WNT6: variants seen among roughly 807,000 people sequenced by gnomAD.
WNT6 encodes the protein Wnt family member 6.
WNT6 carries 27 observed loss-of-function variants against 33.1 expected under a neutral mutation model. That is an observed-to-expected ratio of 0.82 (90% CI 0.60 to 1.12). The LOEUF (loss-of-function observed/expected upper bound fraction) is 1.12. Among genes scored for constraint, WNT6 ranks in the 50% most tolerant of loss-of-function variants. The probability of loss-of-function intolerance (pLI) is 0.00; values close to 1 mark genes in which losing one functional copy is unlikely to be tolerated. For synonymous variants in WNT6, 249 were observed against 242.8 expected, an observed-to-expected ratio of 1.03 and a Z score of -0.24; for missense variants, 494 against 535.3, an observed-to-expected ratio of 0.92 and a Z score of 0.76.
intron 1 of WNT6, among the ~76,000 whole-genome samples, chr2:218,869,223 C>A (rs761236635): frequency 6.6e-6 from 1 of 151,990 alleles, no homozygotes; most frequent in East Asian, 1.9e-4. Flanking sequence ...TGTGTGCGTG[C>A]GCATGCGTGC....
At chr2:218,866,834 T>C (rs1211217768) in intron 1 of WNT6, among the ~76,000 whole-genome samples, 2 of 152,188 alleles carry the variant, frequency 1.3e-5, no homozygotes, top group African/African-American at 4.8e-5. Context: ...ATGCATGAGC[T>C]TATTGTCTTC....
At position 218,867,510 on chromosome 2, in the gene WNT6, C is replaced by T. The variant is rs998792673; in HGVS notation, c.81-3517C>T. On this transcript the variant is annotated intron_variant, in intron 1 of 3. Coordinates refer to ENST00000233948, the MANE Select transcript of WNT6 (RefSeq NM_006522.4). The surrounding 1 kb of genome is among the most constrained non-coding windows in gnomAD (Gnocchi z 4.9). ...ATGGTCCTTGGTAGAGAGACCTTGG[C>T]GCAGGCCAAGCCGGTTAGAATGACC... 5.3e-5 allele frequency among the ~76,000 whole-genome samples: 8 copies of T among 152,228 alleles called. No homozygotes were observed. The highest frequency in any genetic ancestry group is 1.3e-4 in the Admixed American group (2 of 15,284).
In WNT6 at chr2:218,873,731, G is replaced by A. The variant is rs1475754632; in HGVS notation, c.984G>A (p.Gly328=). ...SGCDLLCCGR[G]HRQESVQLEE... is the part of the protein sequence containing the mutation. The stretch of plus-strand genomic sequence containing the variant: ...GCGACCTGCTGTGCTGCGGCCGCGG[G>A]CACCGCCAGGAGAGCGTGCAGCTCG... The change falls in exon 4 of 4, where the codon GGG becomes GGA. Residue 328 remains glycine, a synonymous_variant. Transcript: ENST00000233948. This position sits in a 1 kb window ranked among gnomAD's most constrained non-coding sequence, Gnocchi z 6.1. 1 of 1,576,926 alleles carries A rather than the reference G, an allele frequency of 6.3e-7. No individual in the cohort carries two copies. The highest frequency in any genetic ancestry group is 8.6e-7 in the Non-Finnish European group (1 of 1,167,776).
At position 218,871,151 on chromosome 2, in the gene WNT6, G is replaced by A; in HGVS notation, c.205G>A (p.Ala69Thr). The A allele has an allele frequency of 1.2e-6, 2 of 1,613,774 alleles. No individual in the cohort carries two copies. The highest frequency in any genetic ancestry group is 1.3e-5 in the African/African-American group (1 of 75,062). Residue 69 changes from alanine (A) to threonine (T), a missense_variant, in exon 2 of 4, where the codon GCC (alanine) becomes ACC (threonine). Transcript: ENST00000233948. This position sits in a 1 kb window ranked among gnomAD's most constrained non-coding sequence, Gnocchi z 6.4. ...AGTGGTGGCAGAGCTAGCTCGGGGC[G>A]CCCGGCTCGGGGTGCGAGAGTGCCA... Reference protein sequence around the residue: ...PEVVAELARGARLGVRECQFQ... With the variant: ...PEVVAELARGTRLGVRECQFQ...
At chr2:218,860,958 CT>C (rs138615794) in intron 1 of WNT6, among the ~76,000 whole-genome samples, 20,652 of 151,310 alleles carry the variant, frequency 0.14, 1,594 homozygotes, top group East Asian at 0.36. Flanking sequence ...ATCCAAAGGA[CT>C]TTTTTCCCCC....
At position 218,871,595 on chromosome 2, in the gene WNT6, C is replaced by T. The variant is rs1029048951; in HGVS notation, c.412C>T (p.Arg138Cys). Residue 138 changes from arginine (R) to cysteine (C), a missense_variant, in exon 3 of 4, where the codon CGC (arginine) becomes TGC (cysteine). Transcript: ENST00000233948. The surrounding 1 kb of genome is among the most constrained non-coding windows in gnomAD (Gnocchi z 6.4). ...GCTGCAGTGCGGCTGCCAGGCGCCC[C>T]GCGGGCGGGCCCCTCCCCGGCCCTC... ...ELLQCGCQAP[R>C]GRAPPRPSGL... 1.3e-6 allele frequency: 2 copies of T among 1,512,042 alleles called. No homozygotes were observed. Among genetic ancestry groups the T allele is most frequent in the Non-Finnish European group, 1.8e-6 (2 of 1,138,660 alleles). The allele number at this position is 1,512,042 out of a possible 1,614,324, so 93.7% of individuals were successfully genotyped here.
At chr2:218,863,279 C>T (rs1944324809) in intron 1 of WNT6, among the ~76,000 whole-genome samples, 1 of 152,200 alleles carries the variant, frequency 6.6e-6, no homozygotes, top group African/African-American at 2.4e-5. Flanking sequence ...CTTCTTCTCC[C>T]TACTTGTCAG....
Position 218,860,023 on chromosome 2 carries a change from C to G in WNT6, c.-15C>G, listed in dbSNP as rs1260428410. ...CTCGCCCCCTGCCCACCCGGGCGGC[C>G]GTAGGGCGGTCACGATGCTGCCGCC... On this transcript the variant is annotated 5_prime_UTR_variant, in exon 1 of 4. Coordinates refer to ENST00000233948, the MANE Select transcript of WNT6 (RefSeq NM_006522.4). 2.1e-5 allele frequency: 31 copies of G among 1,477,832 alleles called. No homozygotes were observed. The highest frequency in any genetic ancestry group is 2.7e-5 in the Non-Finnish European group (30 of 1,118,622). The allele number at this position is 1,477,832 out of a possible 1,614,324, so 91.5% of individuals were successfully genotyped here.
At chr2:218,865,558 C>G (rs1944347385) in intron 1 of WNT6, among the ~76,000 whole-genome samples, 1 of 152,206 alleles carries the variant, frequency 6.6e-6, no homozygotes, top group Non-Finnish European at 1.5e-5. Flanking sequence ...GAGAAGATGA[C>G]TTGCCCCTGG....
intron 1 of WNT6, among the ~76,000 whole-genome samples, chr2:218,870,037 T>C (rs541965770): frequency 1.3e-5 from 2 of 152,100 alleles, no homozygotes; most frequent in African/African-American, 2.4e-5. Flanking sequence ...TTGGCCAACA[T>C]GGTGAAACTT....
At position 218,871,418 on chromosome 2, in the gene WNT6, G is replaced by C; in HGVS notation, c.302-67G>C. 1.3e-6 allele frequency: 2 copies of C among 1,554,936 alleles called. No individual in the cohort carries two copies. The highest frequency in any genetic ancestry group is 2.7e-5 in the African/African-American group (2 of 72,802). Reference sequence around the variant, plus strand: ...CCCCTGGGGCAGCCCTCCCGCCGCAGGTTTCAGGTCCCAGGCCCCAGCTGA... The same window carrying C: ...CCCCTGGGGCAGCCCTCCCGCCGCACGTTTCAGGTCCCAGGCCCCAGCTGA... On this transcript the variant is annotated intron_variant, in intron 2 of 3. Transcript: ENST00000233948. This position sits in a 1 kb window ranked among gnomAD's most constrained non-coding sequence, Gnocchi z 6.4.
chr2:218,873,275 C>G lies in WNT6; in HGVS notation c.637-109C>G. The G allele has an allele frequency of 1.4e-5, 15 of 1,109,076 alleles. No homozygotes were observed. The highest frequency in any genetic ancestry group is 1.8e-5 in the Non-Finnish European group (14 of 794,020). 68.7% of individuals were successfully genotyped at this position (1,109,076 alleles called of 1,614,324 possible). On this transcript the variant is annotated intron_variant, in intron 3 of 3. Transcript: ENST00000233948. This position sits in a 1 kb window ranked among gnomAD's most constrained non-coding sequence, Gnocchi z 6.1. Reference sequence around the variant, plus strand: ...TGCGGTCTCCTTTTGTCTGCATTTTCCTCTCTTCCTTTCACCTCCCATTCC... The same window carrying G: ...TGCGGTCTCCTTTTGTCTGCATTTTGCTCTCTTCCTTTCACCTCCCATTCC...
In WNT6 at chr2:218,873,967, T is replaced by C; in HGVS notation, c.*122T>C. 9.4e-7 allele frequency: 1 copy of C among 1,062,102 alleles called. No homozygotes were observed. The highest frequency in any genetic ancestry group is 1.3e-6 in the Non-Finnish European group (1 of 781,806). The allele number at this position is 1,062,102 out of a possible 1,614,324, so 65.8% of individuals were successfully genotyped here. ...CAGCCTCTCCCTGCCAAAGCCCAAC[T>C]CCCAGGGCTCTGGAAATGGTGAGGC... On this transcript the variant is annotated 3_prime_UTR_variant, in exon 4 of 4. Coordinates refer to ENST00000233948, the MANE Select transcript of WNT6 (RefSeq NM_006522.4). The surrounding 1 kb of genome is among the most constrained non-coding windows in gnomAD (Gnocchi z 6.1).
In WNT6 at chr2:218,871,270, A is replaced by G. The variant is rs778335319; in HGVS notation, c.301+23A>G. 6 of 1,590,046 alleles carry G rather than the reference A, an allele frequency of 3.8e-6. No individual in the cohort carries two copies. Among genetic ancestry groups the G allele is most frequent in the Non-Finnish European group, 5.2e-6 (6 of 1,164,800 alleles). Reference sequence around the variant, plus strand: ...AGGGTCAGTGTGGGGAGGGGGCGGAAGTGGGGCTGCTTTCTCCCTGCTGTG... The same window carrying G: ...AGGGTCAGTGTGGGGAGGGGGCGGAGGTGGGGCTGCTTTCTCCCTGCTGTG... On this transcript the variant is annotated intron_variant, in intron 2 of 3. Coordinates refer to ENST00000233948, the MANE Select transcript of WNT6 (RefSeq NM_006522.4). This position sits in a 1 kb window ranked among gnomAD's most constrained non-coding sequence, Gnocchi z 6.4.
intron 1 of WNT6, among the ~76,000 whole-genome samples, chr2:218,868,287 A>G (rs1944370238): frequency 6.6e-6 from 1 of 152,114 alleles, no homozygotes; most frequent in Non-Finnish European, 1.5e-5. Flanking sequence ...GTCCCTGCGA[A>G]ACAGAGAAGG....
Position 218,871,583 on chromosome 2 carries a change from T to C in WNT6, c.400T>C (p.Cys134Arg). The C allele has an allele frequency of 6.5e-7, 1 of 1,538,610 alleles. No homozygotes were observed. The stretch of plus-strand genomic sequence containing the variant: ...TATGGGCGAGCTGCTGCAGTGCGGC[T>C]GCCAGGCGCCCCGCGGGCGGGCCCC... ...CSMGELLQCGCQAPRGRAPPR... is the reference protein window; with the variant it reads ...CSMGELLQCGRQAPRGRAPPR... Residue 134 changes from cysteine (C) to arginine (R), a missense_variant, in exon 3 of 4, where the codon TGC (cysteine) becomes CGC (arginine). Transcript: ENST00000233948. This position sits in a 1 kb window ranked among gnomAD's most constrained non-coding sequence, Gnocchi z 6.4.
At chr2:218,872,026 T>C (rs1944407405) in intron 3 of WNT6, among the ~76,000 whole-genome samples, 2 of 150,246 alleles carry the variant, frequency 1.3e-5, no homozygotes, top group Non-Finnish European at 3.0e-5. Flanking sequence ...AGGAGTCACG[T>C]GGGGGTCTGA....
chr2:218,861,047 G>A, intron 1 of WNT6, among the ~76,000 whole-genome samples: 1 of 152,200 alleles, frequency 6.6e-6, no homozygotes, highest in East Asian at 1.9e-4. Context: ...TAACGCTGAC[G>A]GGTTAGCCAA....
Position 218,871,395 on chromosome 2 carries a change from C to A in WNT6, c.302-90C>A. ...CTGCAAGGACCCTGCCTCCCAGGCCCCTGGGGCAGCCCTCCCGCCGCAGGT... is the reference window on the plus strand; with the variant it reads ...CTGCAAGGACCCTGCCTCCCAGGCCACTGGGGCAGCCCTCCCGCCGCAGGT... On this transcript the variant is annotated intron_variant, in intron 2 of 3. Transcript: ENST00000233948. This position sits in a 1 kb window ranked among gnomAD's most constrained non-coding sequence, Gnocchi z 6.4. 10 of 1,513,158 alleles carry A rather than the reference C, an allele frequency of 6.6e-6. No homozygotes were observed. Among genetic ancestry groups the A allele is most frequent in the Non-Finnish European group, 8.9e-6 (10 of 1,118,980 alleles). The allele number at this position is 1,513,158 out of a possible 1,614,324, so 93.7% of individuals were successfully genotyped here.
Sources: allele counts gnomAD v4.1 joint callset (sites outside exome capture counted in the v4.1 genomes callset), GRCh38; gene constraint gnomAD v4.1.1; non-coding constraint Gnocchi (gnomAD v3.1); transcripts MANE v1.5; gene names NCBI Gene and HGNC (gene_info 2026-07-23, HGNC 2026-07-21).